The following PLAA variants were observed in gnomAD, a reference collection of about 807,000 sequenced individuals.
PLAA encodes the protein phospholipase A2 activating protein.
In PLAA, 48 loss-of-function variants were observed where a neutral mutation model predicts 84.1. That is an observed-to-expected ratio of 0.57 (90% CI 0.45 to 0.73). PLAA has a LOEUF of 0.73. PLAA is among the 30% of genes least tolerant of loss of function. The pLI is 0.00. For missense variants in PLAA, 903 were observed against 954.7 expected (o/e 0.95, Z 0.71); for synonymous variants, 392 against 336.6 (o/e 1.16, Z -1.80).
At chr9:26,941,465 C>A (rs1825540012) in intron 1 of PLAA, among the ~76,000 whole-genome samples, 1 of 152,096 alleles carries the variant, frequency 6.6e-6, no homozygotes, top group South Asian at 2.1e-4. Flanking sequence ...ACCAGCAAGC[C>A]CCATCCAGGA....
intron 1 of PLAA, among the ~76,000 whole-genome samples, chr9:26,940,653 T>A (rs10757636): frequency 0.3 from 46,321 of 152,112 alleles, 8,326 homozygotes; most frequent in East Asian, 0.69. Context: ...ATTTTATGTT[T>A]TGTGTATTGT....
rs977711467 is a variant in PLAA at position 26,947,011 on chromosome 9, C to G, written c.35G>C (p.Cys12Ser). 6.3e-7 allele frequency: 1 copy of G among 1,592,906 alleles called. No individual in the cohort carries two copies. Among genetic ancestry groups the G allele is most frequent in the Non-Finnish European group, 8.5e-7 (1 of 1,170,634 alleles). The change falls in exon 1 of 14, where the codon TGC becomes TCC. Residue 12 changes from cysteine to serine, a missense_variant. Physicochemically the swap from Cys to Ser is moderately radical, Grantham distance 112. Coordinates refer to ENST00000397292, the MANE Select transcript of PLAA (RefSeq NM_001031689.3). The part of the protein sequence containing the change: ...TSGATRYRLS[C>S]SLRGHELDVR... ...GTCCAGCTCGTGGCCCCGGAGCGAG[C>G]AGCTCAGCCGGTACCTGGTTGCGCC...
intron 9 of PLAA, 124 bp downstream of exon 9, chr9:26,919,186 G>A (rs1420508414): frequency 1.8e-6 from 1 of 551,188 alleles, no homozygotes; most frequent in African/African-American, 1.9e-5. Flanking sequence ...TGAATGTGAA[G>A]TAAAACCCTG....
In PLAA at chr9:26,947,027, T is replaced by G; in HGVS notation, c.19A>C (p.Arg7=). 6.3e-7 allele frequency: 1 copy of G among 1,587,652 alleles called. No individual in the cohort carries two copies. Among genetic ancestry groups the G allele is most frequent in the East Asian group, 2.3e-5 (1 of 43,496 alleles). Residue 7 remains arginine, a synonymous_variant, in exon 1 of 14, where the codon AGG becomes CGG. Transcript: ENST00000397292. Reference sequence around the variant, plus strand: ...CGGAGCGAGCAGCTCAGCCGGTACCTGGTTGCGCCGCTCGTCATGGCCAGT... The same window carrying G: ...CGGAGCGAGCAGCTCAGCCGGTACCGGGTTGCGCCGCTCGTCATGGCCAGT... MTSGAT[R]YRLSCSLRGH...
intron 2 of PLAA, among the ~76,000 whole-genome samples, chr9:26,931,517 T>C (rs545839708): frequency 4.6e-5 from 7 of 152,186 alleles, no homozygotes; most frequent in Non-Finnish European, 8.8e-5. Context: ...GTGTGCTTCC[T>C]GATGTGATAC....
intron 1 of PLAA, among the ~76,000 whole-genome samples, chr9:26,941,168 CA>C (rs369817696): frequency 5.6e-5 from 7 of 124,024 alleles, no homozygotes; most frequent in South Asian, 2.6e-4. Context: ...AAAAAAAAAA[CA>C]AAAACAAAAC....
chr9:26,909,665 G>A (rs1274954582), intron 12 of PLAA, among the ~76,000 whole-genome samples: 1 of 150,710 alleles, frequency 6.6e-6, no homozygotes, highest in Non-Finnish European at 1.5e-5. Flanking sequence ...CTGTTGCCCA[G>A]GCTGGAGTGC....
chr9:26,920,855 T>C (rs764322410), intron 7 of PLAA, among the ~76,000 whole-genome samples: 1 of 152,126 alleles, frequency 6.6e-6, no homozygotes, highest in Non-Finnish European at 1.5e-5. Context: ...TCCATCATCA[T>C]CCCTTGGTCC....
chr9:26,941,236 T>C (rs1825527018), intron 1 of PLAA, among the ~76,000 whole-genome samples: 1 of 151,504 alleles, frequency 6.6e-6, no homozygotes, highest in Non-Finnish European at 1.5e-5. Flanking sequence ...ACTGTCCTGC[T>C]AGTACTCAGC....
chr9:26,925,955 CAA>C lies in PLAA; in HGVS notation c.737_738del (p.Phe246CysfsTer38). Reference sequence around the variant, plus strand: ...AGAGATCTGTCCTCTGCTGTTGTCACAAAGTCTAAAATTAATGAATATAGGAA... The same window carrying C: ...AGAGATCTGTCCTCTGCTGTTGTCACAGTCTAAAATTAATGAATATAGGAA... ...SISVFPNCRD[F>X]VTTAEDRSLR... On this transcript the variant is annotated frameshift_variant, in exon 6 of 14. Coordinates refer to ENST00000397292, the MANE Select transcript of PLAA (RefSeq NM_001031689.3). LOFTEE classifies it high-confidence loss of function. The C allele has an allele frequency of 6.2e-7, 1 of 1,612,242 alleles. No individual in the cohort carries two copies. The highest frequency in any genetic ancestry group is 8.5e-7 in the Non-Finnish European group (1 of 1,178,450).
intron 10 of PLAA, 37 bp from the exon 11 acceptor site, chr9:26,913,984 C>A: frequency 6.9e-7 from 1 of 1,446,526 alleles, no homozygotes; most frequent in Non-Finnish European, 9.7e-7. Context: ...GCAAAGGTGA[C>A]TGTAAATTAT....
At chr9:26,932,413 G>A (rs1825216515) in intron 2 of PLAA, among the ~76,000 whole-genome samples, 1 of 152,204 alleles carries the variant, frequency 6.6e-6, no homozygotes, top group Non-Finnish European at 1.5e-5. Context: ...ATCTTCTAAC[G>A]TGAAAATTAT....
intron 1 of PLAA, among the ~76,000 whole-genome samples, chr9:26,938,370 C>T (rs1401161209): frequency 4.0e-5 from 6 of 151,792 alleles, no homozygotes; most frequent in Middle Eastern, 3.2e-3. Context: ...GTCAACATAG[C>T]GAAACCCCAT....
chr9:26,905,651 C>A lies in PLAA; in HGVS notation c.2248G>T (p.Gly750Ter), dbSNP rs76067929. Residue 750 changes from glycine to a stop codon, truncating the protein, a stop_gained, in exon 14 of 14, where the codon GGA (glycine) becomes TGA (stop). Transcript: ENST00000397292. LOFTEE classifies it high-confidence loss of function. Reference sequence around the variant, plus strand: ...TTTGAATCATCACTGATAAGTGTTCCAAGAGCCACAAGAAGTCTAAAAGTG... The same window carrying A: ...TTTGAATCATCACTGATAAGTGTTCAAAGAGCCACAAGAAGTCTAAAAGTG... ...EATFRLLVAL[G>*]TLISDDSNAV... 6.2e-7 allele frequency: 1 copy of A among 1,614,096 alleles called. No individual in the cohort carries two copies. Among genetic ancestry groups the A allele is most frequent in the Non-Finnish European group, 8.5e-7 (1 of 1,179,986 alleles).
In PLAA at chr9:26,925,915, T is replaced by C. The variant is rs1052538921; in HGVS notation, c.779A>G (p.His260Arg). ...AEDRSLRIWK[H>R]GECAQTIRLP... Reference sequence around the variant, plus strand: ...TCGGATAGTTTGAGCACATTCCCCATGTTTCCAGATTCTCAGAGATCTGTC... The same window carrying C: ...TCGGATAGTTTGAGCACATTCCCCACGTTTCCAGATTCTCAGAGATCTGTC... The change falls in exon 6 of 14, where the codon CAT (histidine) becomes CGT (arginine). Residue 260 changes from histidine to arginine, a missense_variant. Transcript: ENST00000397292. 6 of 1,613,450 alleles carry C rather than the reference T, an allele frequency of 3.7e-6. No homozygotes were observed. The African/African-American group carries it at 5.3e-5, about 14-fold the overall frequency.
Position 26,944,891 on chromosome 9 carries a change from G to A in PLAA, c.149+2006C>T, listed in dbSNP as rs544093816. Among the ~76,000 whole-genome samples the A allele has an allele frequency of 2.0e-5, 3 of 152,318 alleles. No homozygotes were observed. The East Asian group carries it at 5.8e-4, about 29-fold the overall frequency. On this transcript the variant is annotated intron_variant, in intron 1 of 13. Coordinates refer to ENST00000397292, the MANE Select transcript of PLAA (RefSeq NM_001031689.3). ...ACGCCTGTAATCCCAACACTGGGAG[G>A]CCAAGGTGGGCAGATCACCTGAGGT... is the stretch of plus-strand genomic sequence containing the variant.
chr9:26,933,094 CCT>C (rs1825238027), intron 2 of PLAA, among the ~76,000 whole-genome samples: 1 of 152,046 alleles, frequency 6.6e-6, no homozygotes, highest in Non-Finnish European at 1.5e-5. Flanking sequence ...ATGGTAAAAC[CCT>C]GTCTCTACTA....
chr9:26,944,287 A>G (rs1825624436), intron 1 of PLAA, among the ~76,000 whole-genome samples: 1 of 151,998 alleles, frequency 6.6e-6, no homozygotes. Context: ...GAACTATGAA[A>G]AATACATTTC....
chr9:26,922,889 A>G (rs1014157121), intron 7 of PLAA, among the ~76,000 whole-genome samples: 17 of 152,114 alleles, frequency 1.1e-4, no homozygotes, highest in Non-Finnish European at 2.4e-4. Context: ...AGAGAATCCA[A>G]TCAACCAAAA....
Sources: allele counts gnomAD v4.1 joint callset (sites outside exome capture counted in the v4.1 genomes callset), GRCh38; gene constraint gnomAD v4.1.1; transcripts MANE v1.5; gene names NCBI Gene and HGNC (gene_info 2026-07-23, HGNC 2026-07-21).